The following SLC9C1 variants were observed in gnomAD, a reference collection of about 807,000 sequenced individuals.
SLC9C1 encodes the protein solute carrier family 9 member C1, also known as sodium/hydrogen exchanger 10.
Under a neutral mutation model 140.9 loss-of-function variants are expected in SLC9C1, and 97 were observed. The ratio of observed to expected loss-of-function variants is 0.69; its 90% CI spans 0.58 to 0.82. The LOEUF (loss-of-function observed/expected upper bound fraction) is 0.82, where lower values mean the gene tolerates loss of function less well. Ranked by LOEUF, SLC9C1 falls within the 40% of genes least tolerant of loss-of-function variation. SLC9C1 has a pLI of 0.00. For missense variants in SLC9C1, 1,340 were observed against 1,389.3 expected, an observed-to-expected ratio of 0.96 and a Z score of 0.56; for synonymous variants, 440 against 442.6, an observed-to-expected ratio of 0.99 and a Z score of 0.07.
At position 112,177,225 on chromosome 3, in the gene SLC9C1, T is replaced by TCA. The variant is rs545079633; in HGVS notation, c.2919+2304_2919+2305dup. Among the ~76,000 whole-genome samples the TCA allele has an allele frequency of 9.9e-4, 151 of 152,134 alleles. 3 individuals are homozygous for TCA. The East Asian group carries it at 0.012, about 13-fold the overall frequency. ...TTTCACCATGTTGGCCAGGCTGGTC[T>TCA]CAAACTCCTGACCTCAGGTGATCCA... On this transcript the variant is annotated intron_variant, in intron 23 of 28. Coordinates refer to ENST00000305815, the MANE Select transcript of SLC9C1 (RefSeq NM_183061.3).
chr3:112,214,632 C>A (rs931021260), intron 15 of SLC9C1, among the ~76,000 whole-genome samples: 20 of 152,218 alleles, frequency 1.3e-4, no homozygotes, highest in Admixed American at 9.2e-4. Context: ...AATTCCTGGA[C>A]AATACACCCT....
intron 11 of SLC9C1, among the ~76,000 whole-genome samples, chr3:112,242,670 A>C (rs896619954): frequency 1.3e-5 from 2 of 152,160 alleles, no homozygotes; most frequent in Non-Finnish European, 2.9e-5. Context: ...AAAAATAACT[A>C]AAAGAGCACA....
At chr3:112,150,434 C>T (rs946267283) in intron 28 of SLC9C1, among the ~76,000 whole-genome samples, 1 of 152,080 alleles carries the variant, frequency 6.6e-6, no homozygotes, top group African/African-American at 2.4e-5. Flanking sequence ...TATACTGGGG[C>T]TTCACTCACT....
At position 112,270,097 on chromosome 3, in the gene SLC9C1, A is replaced by G. The variant is rs749538617; in HGVS notation, c.614-20T>C. Reference sequence around the variant, plus strand: ...CTTCAGCTACAAGAAAGGGGCGTAAATAAGAAATAGTTAATAGAACTTGCC... The same window carrying G: ...CTTCAGCTACAAGAAAGGGGCGTAAGTAAGAAATAGTTAATAGAACTTGCC... On this transcript the variant is annotated intron_variant, in intron 6 of 28. Transcript: ENST00000305815. The G allele has an allele frequency of 7.9e-5, 117 of 1,482,602 alleles. No homozygotes were observed. The highest frequency in any genetic ancestry group is 1.0e-4 in the Non-Finnish European group (114 of 1,116,276). The allele number at this position is 1,482,602 out of a possible 1,614,324, so 91.8% of individuals were successfully genotyped here.
At position 112,257,714 on chromosome 3, in the gene SLC9C1, C is replaced by T. The variant is rs373655106; in HGVS notation, c.1197+5210G>A. Reference sequence around the variant, plus strand: ...ACTTGATAAAATTGATCTAATTAAACGTAAGAGTTTCTGCACAGCAAAAGA... The same window carrying T: ...ACTTGATAAAATTGATCTAATTAAATGTAAGAGTTTCTGCACAGCAAAAGA... On this transcript the variant is annotated intron_variant, in intron 10 of 28. Transcript: ENST00000305815. Among the ~76,000 whole-genome samples the T allele has an allele frequency of 4.6e-5, 7 of 152,092 alleles. No homozygotes were observed. The East Asian group carries it at 5.8e-4, about 13-fold the overall frequency.
chr3:112,152,399 A>G (rs906536422), intron 27 of SLC9C1, among the ~76,000 whole-genome samples: 1 of 152,196 alleles, frequency 6.6e-6, no homozygotes, highest in Admixed American at 6.5e-5. Context: ...TATTGCTGCC[A>G]GCATGTCTCA....
chr3:112,217,302 T>C, intron 15 of SLC9C1, 140 bp downstream of exon 15: 1 of 907,394 alleles, frequency 1.1e-6, no homozygotes, highest in Non-Finnish European at 1.6e-6. Flanking sequence ...CATGTATGCA[T>C]ATGTAACCTG....
At chr3:112,160,226 T>G (rs2075252323) in intron 26 of SLC9C1, among the ~76,000 whole-genome samples, 1 of 151,158 alleles carries the variant, frequency 6.6e-6, no homozygotes, top group East Asian at 1.9e-4. Flanking sequence ...ATTTATTTAT[T>G]TTGTATTTAT....
At chr3:112,152,221 A>T (rs968408217) in intron 27 of SLC9C1, among the ~76,000 whole-genome samples, 10 of 151,966 alleles carry the variant, frequency 6.6e-5, no homozygotes, top group Admixed American at 5.2e-4. Flanking sequence ...GGAGAGGGGG[A>T]TGTGGCAGGA....
At chr3:112,218,529 A>T (rs1560083186) in intron 14 of SLC9C1, among the ~76,000 whole-genome samples, 1 of 152,238 alleles carries the variant, frequency 6.6e-6, no homozygotes, top group Non-Finnish European at 1.5e-5. Context: ...AATATGCGGT[A>T]AATAAATGGA....
intron 12 of SLC9C1, among the ~76,000 whole-genome samples, chr3:112,235,001 C>T (rs2078946073): frequency 6.6e-6 from 1 of 151,562 alleles, no homozygotes; most frequent in South Asian, 2.1e-4. Flanking sequence ...TAGATTTTTC[C>T]AATTCTGTGA....
intron 20 of SLC9C1, among the ~76,000 whole-genome samples, chr3:112,186,935 A>C (rs1240235316): frequency 1.3e-5 from 2 of 152,234 alleles, no homozygotes; most frequent in African/African-American, 4.8e-5. Context: ...ATTGTTATAT[A>C]AGGCATTCTA....
At chr3:112,163,569 T>C (rs2075371586) in intron 26 of SLC9C1, among the ~76,000 whole-genome samples, 1 of 152,140 alleles carries the variant, frequency 6.6e-6, no homozygotes, top group South Asian at 2.1e-4. Flanking sequence ...AGTTTCCATA[T>C]AGTTGAGCGG....
intron 2 of SLC9C1, among the ~76,000 whole-genome samples, chr3:112,283,769 T>C (rs958510479): frequency 8.0e-5 from 12 of 150,408 alleles, no homozygotes; most frequent in Non-Finnish European, 1.2e-4. Context: ...ATGTGGTTAA[T>C]ATTTCCATGA....
At chr3:112,157,650 G>A (rs1366186965) in intron 26 of SLC9C1, among the ~76,000 whole-genome samples, 1 of 151,884 alleles carries the variant, frequency 6.6e-6, no homozygotes, top group Non-Finnish European at 1.5e-5. Flanking sequence ...TCCAATCTAT[G>A]AACATGGAAT....
In SLC9C1 at chr3:112,239,900, A is replaced by G. The variant is rs1174839821; in HGVS notation, c.1386T>C (p.Asp462=). Residue 462 remains aspartate (D), a synonymous_variant, in exon 12 of 29, where the codon GAT becomes GAC. Transcript: ENST00000305815. ...SAASALKFDK[D]LANADWNMIE... ...TCATGTTCCAATCAGCATTAGCAAG[A>G]TCTTTGTCAAATTTAAGGGCAGAGG... 1 of 1,613,864 alleles carries G rather than the reference A, an allele frequency of 6.2e-7. No individual in the cohort carries two copies. The highest frequency in any genetic ancestry group is 8.5e-7 in the Non-Finnish European group (1 of 1,179,968).
At chr3:112,271,682 A>G (rs991511435) in intron 6 of SLC9C1, among the ~76,000 whole-genome samples, 4 of 152,090 alleles carry the variant, frequency 2.6e-5, no homozygotes, top group Admixed American at 6.6e-5. Context: ...TATATGAAGG[A>G]ACAAGTAGGA....
rs1234813804 is a variant in SLC9C1 at position 112,150,793 on chromosome 3, C to CAT, written c.3524+1062_3524+1063dup. On this transcript the variant is annotated intron_variant, in intron 28 of 28. Transcript: ENST00000305815. ...ACATATATATATATAAATACATATA[C>CAT]ATATATATATATATATAAATACATA... 2.8e-3 allele frequency among the ~76,000 whole-genome samples: 159 copies of CAT among 56,864 alleles called. 2 individuals are homozygous for CAT. In the Middle Eastern group the frequency reaches 0.035, roughly 13 times the overall value. 37.3% of individuals were successfully genotyped at this position (56,864 alleles called of 152,430 possible).
chr3:112,234,188 A>G (rs2078915424), intron 12 of SLC9C1, among the ~76,000 whole-genome samples: 1 of 152,172 alleles, frequency 6.6e-6, no homozygotes, highest in Admixed American at 6.5e-5. Context: ...GTGGTATGAG[A>G]TGGTATCTCG....
Sources: gnomAD v4.1 joint callset for allele counts (sites outside exome capture counted in the v4.1 genomes callset) on GRCh38, gnomAD v4.1.1 for gene constraint, MANE v1.5 for transcripts, NCBI Gene and HGNC (gene_info 2026-07-23, HGNC 2026-07-21) for gene names.